CAPN11: variants seen among roughly 807,000 people sequenced by gnomAD.
CAPN11 encodes the protein calpain-11.
Under a neutral mutation model 105.3 loss-of-function variants are expected in CAPN11, and 108 were observed. The observed-to-expected ratio is 1.03, with a 90% confidence interval of 0.88 to 1.20. The LOEUF is 1.20. Among genes scored for constraint, CAPN11 ranks in the 50% most tolerant of loss-of-function variants. The pLI is 0.00. For missense variants in CAPN11, 883 were observed against 924.8 expected, an observed-to-expected ratio of 0.95 and a Z score of 0.59; for synonymous variants, 329 against 344.5, an observed-to-expected ratio of 0.96 and a Z score of 0.50.
chr6:44,172,925 G>T lies in CAPN11; in HGVS notation c.529-15G>T. ...TAGGGTTCCCACGCAAGGGGTGTGT[G>T]TTTGCTACCCACAGATTTGGCAGTT... On this transcript the variant is annotated splice_polypyrimidine_tract_variant and intron_variant, in intron 5 of 22. Transcript: ENST00000398776. 1 of 1,612,396 alleles carries T rather than the reference G, an allele frequency of 6.2e-7. No individual in the cohort carries two copies. The highest frequency in any genetic ancestry group is 8.5e-7 in the Non-Finnish European group (1 of 1,179,168).
At chr6:44,170,271 C>A (rs1561843141) in intron 4 of CAPN11, among the ~76,000 whole-genome samples, 1 of 152,170 alleles carries the variant, frequency 6.6e-6, no homozygotes, top group South Asian at 2.1e-4. Context: ...AAAAAAATTT[C>A]TTATCTCACG....
chr6:44,183,832 CAG>C, intron 22 of CAPN11, 69 bp downstream of exon 22: 1 of 1,577,644 alleles, frequency 6.3e-7, no homozygotes, highest in Non-Finnish European at 8.6e-7. Flanking sequence ...CACCCCCACC[CAG>C]CTCTGATGTC....
At chr6:44,166,892 T>G in intron 2 of CAPN11, 63 bp downstream of exon 2, 1 of 1,173,122 alleles carries the variant, frequency 8.5e-7, no homozygotes, top group Non-Finnish European at 1.2e-6. Flanking sequence ...CTTCACTCTC[T>G]TCTCTTCCCC....
rs549557776 is a variant in CAPN11 at position 44,182,869 on chromosome 6, C to T, written c.1939-72C>T. ...GATTACAGGCATGAGCCACCGCGCCCGGCCTCAGTATTTCATTATTTCAAC... is the reference window on the plus strand; with the variant it reads ...GATTACAGGCATGAGCCACCGCGCCTGGCCTCAGTATTTCATTATTTCAAC... On this transcript the variant is annotated intron_variant, in intron 19 of 22. Coordinates refer to ENST00000398776, the MANE Select transcript of CAPN11 (RefSeq NM_007058.4). The T allele has an allele frequency of 1.7e-4, 205 of 1,174,358 alleles. 1 individual carries two copies. In the South Asian group the frequency reaches 2.4e-3, roughly 14 times the overall value. The allele number at this position is 1,174,358 out of a possible 1,614,324, so 72.7% of individuals were successfully genotyped here.
intron 7 of CAPN11, 140 bp downstream of exon 7, chr6:44,173,526 T>C: frequency 3.4e-6 from 2 of 591,894 alleles, no homozygotes; most frequent in South Asian, 2.2e-5. Flanking sequence ...CTTCCCTACC[T>C]CCCCGTCTAA....
At position 44,172,234 on chromosome 6, in the gene CAPN11, T is replaced by A. The variant is rs1015399799; in HGVS notation, c.410-68T>A. On this transcript the variant is annotated intron_variant, in intron 4 of 22. Coordinates refer to ENST00000398776, the MANE Select transcript of CAPN11 (RefSeq NM_007058.4). ...GTCAAGTTCCTGCTCCCCTAGGCCT[T>A]GGATTCTGAGGCCCACCCACACATA... 69 of 1,078,916 alleles carry A rather than the reference T, an allele frequency of 6.4e-5. No individual in the cohort carries two copies. In the Middle Eastern group the frequency reaches 1.2e-3, roughly 18 times the overall value. The allele number at this position is 1,078,916 out of a possible 1,614,324, so 66.8% of individuals were successfully genotyped here. A position where few individuals can be genotyped will look rare whatever the true frequency, so the allele number is the denominator to read the frequency against.
In CAPN11 at chr6:44,176,105, A is replaced by G. The variant is rs561456339; in HGVS notation, c.869A>G (p.Lys290Arg). The G allele has an allele frequency of 1.2e-6, 2 of 1,613,044 alleles. No homozygotes were observed. The highest frequency in any genetic ancestry group is 1.3e-5 in the African/African-American group (1 of 74,916). Residue 290 changes from lysine to arginine, a missense_variant, in exon 8 of 23, where the codon AAG becomes AGG. Lys to Arg is a conservative substitution (Grantham distance 26). Transcript: ENST00000398776. ...AGTGAACTGGAATCCATGACTGACA[A>G]GATGCTGGTGAGAGGGCACGCTTAC... Reference protein sequence around the residue: ...SDSELESMTDKMLVRGHAYSV... With the variant: ...SDSELESMTDRMLVRGHAYSV...
In CAPN11 at chr6:44,180,657, G is replaced by A. The variant is rs886566107; in HGVS notation, c.1741G>A (p.Gly581Arg). ...DFLHLFKIVA[G>R]EGKEIGVYEL... ...CCTACATTTGTTTAAGATAGTGGCA[G>A]GAGAGGTGAGCAGGCCACGAGCGGA... The change falls in exon 16 of 23, where the codon GGA becomes AGA. Residue 581 changes from glycine to arginine, a missense_variant. Transcript: ENST00000398776. 5.0e-6 allele frequency: 8 copies of A among 1,613,818 alleles called. No individual in the cohort carries two copies. The highest frequency in any genetic ancestry group is 6.8e-6 in the Non-Finnish European group (8 of 1,179,816).
chr6:44,166,999 C>T (rs1039527984), intron 2 of CAPN11, among the ~76,000 whole-genome samples, 170 bp downstream of exon 2: 1 of 152,198 alleles, frequency 6.6e-6, no homozygotes, highest in East Asian at 1.9e-4. Context: ...AGTTTGCAGT[C>T]CCCCTGGGGG....
chr6:44,178,329 C>T (rs1772492386), intron 12 of CAPN11, among the ~76,000 whole-genome samples: 1 of 152,160 alleles, frequency 6.6e-6, no homozygotes, highest in African/African-American at 2.4e-5. Flanking sequence ...CCCGACAATC[C>T]ATCCCCCTTG....
chr6:44,172,126 G>A (rs1771107642), intron 4 of CAPN11, among the ~76,000 whole-genome samples, 176 bp from the exon 5 acceptor site: 1 of 152,138 alleles, frequency 6.6e-6, no homozygotes, highest in Non-Finnish European at 1.5e-5. Context: ...GTTTCTCCCT[G>A]TTTACCTCCT....
At chr6:44,160,571 C>T (rs1768584030) in intron 1 of CAPN11, among the ~76,000 whole-genome samples, 1 of 152,060 alleles carries the variant, frequency 6.6e-6, no homozygotes. Flanking sequence ...GAGCCAAGAT[C>T]GCTCCACTGC....
chr6:44,165,539 G>A (rs1420294248), intron 1 of CAPN11, among the ~76,000 whole-genome samples: 1 of 152,180 alleles, frequency 6.6e-6, no homozygotes, highest in Non-Finnish European at 1.5e-5. Context: ...TGCTAAGAGG[G>A]TGCAGTAGAC....
chr6:44,159,240 G>A (rs975595562), intron 1 of CAPN11, among the ~76,000 whole-genome samples: 5 of 152,170 alleles, frequency 3.3e-5, no homozygotes, highest in African/African-American at 7.2e-5. Context: ...AAAAGCCCAC[G>A]TAGAGAAGAA....
intron 19 of CAPN11, among the ~76,000 whole-genome samples, chr6:44,181,755 TACACAC>T (rs1773536457): frequency 3.4e-4 from 1 of 2,958 alleles, no homozygotes; most frequent in Non-Finnish European, 6.3e-4. Context: ...CACACACACA[TACACAC>T]TCACATACAG....
chr6:44,162,715 T>G (rs1441890654), intron 1 of CAPN11, among the ~76,000 whole-genome samples: 3 of 152,156 alleles, frequency 2.0e-5, no homozygotes, highest in African/African-American at 7.2e-5. Flanking sequence ...CCCCTTTTCA[T>G]GGCACTTTCT....
At chr6:44,175,431 G>C (rs1330129039) in intron 7 of CAPN11, among the ~76,000 whole-genome samples, 1 of 151,706 alleles carries the variant, frequency 6.6e-6, no homozygotes, top group Non-Finnish European at 1.5e-5. Flanking sequence ...AGTGAACCGA[G>C]ATCACACCAC....
At chr6:44,167,497 CAAAAAAAAAAA>C (rs61107654) in intron 2 of CAPN11, among the ~76,000 whole-genome samples, 16 of 27,074 alleles carry the variant, frequency 5.9e-4, no homozygotes, top group Non-Finnish European at 1.1e-3. Context: ...GACTCCATCT[CAAAAAAAAAAA>C]AAAAAAAAAA....
rs552980540 is a variant in CAPN11, at chr6:44,176,788, C to T, written c.1077-50C>T. The T allele has an allele frequency of 3.1e-6, 5 of 1,605,608 alleles. No individual in the cohort carries two copies. The South Asian group carries it at 5.6e-5, about 18-fold the overall frequency. ...TGGGGGGTGGTTCAGGGAGAGGGAACTGAGGATGCAAGTGTGCTGCTGACG... is the reference window on the plus strand; with the variant it reads ...TGGGGGGTGGTTCAGGGAGAGGGAATTGAGGATGCAAGTGTGCTGCTGACG... On this transcript the variant is annotated intron_variant, in intron 10 of 22. Transcript: ENST00000398776.
Sources: gnomAD v4.1 joint callset for allele counts (sites outside exome capture counted in the v4.1 genomes callset) on GRCh38, gnomAD v4.1.1 for gene constraint, MANE v1.5 for transcripts, NCBI Gene and HGNC (gene_info 2026-07-23, HGNC 2026-07-21) for gene names.